Variants in ADGRB3 observed in about 807,000 individuals in gnomAD.
The protein encoded by ADGRB3 is adhesion G protein-coupled receptor B3, also known as brain-specific angiogenesis inhibitor 3.
A neutral mutation model predicts 193.4 loss-of-function variants in ADGRB3; 37 were observed. The observed-to-expected ratio is 0.19, with a 90% CI of 0.15 to 0.25. The LOEUF is 0.25. Ranked by LOEUF, ADGRB3 falls within the 10% of genes least tolerant of loss-of-function variation. ADGRB3 has a pLI of 1.00. For missense variants in ADGRB3, 1,637 were observed against 1,852.9 expected (o/e 0.88, Z 2.14); for synonymous variants, 690 against 644.2 (o/e 1.07, Z -1.08).
At chr6:69,196,827 T>C (rs982903349) in intron 17 of ADGRB3, among the ~76,000 whole-genome samples, 3 of 152,108 alleles carry the variant, frequency 2.0e-5, no homozygotes, top group Admixed American at 6.6e-5. Flanking sequence ...AGGTAATTCC[T>C]TGATTTATCA....
chr6:69,089,462 T>C (rs1225626837), intron 17 of ADGRB3, among the ~76,000 whole-genome samples: 2 of 152,220 alleles, frequency 1.3e-5, no homozygotes, highest in African/African-American at 4.8e-5. Context: ...AATCTTTCCC[T>C]TGCAGGATAC....
chr6:69,072,747 A>T (rs941482634), intron 16 of ADGRB3, among the ~76,000 whole-genome samples: 1 of 152,186 alleles, frequency 6.6e-6, no homozygotes, highest in African/African-American at 2.4e-5. Flanking sequence ...CTTCACTGTG[A>T]TGTTACAAGG....
chr6:68,961,367 G>T (rs1041436290), intron 8 of ADGRB3, among the ~76,000 whole-genome samples: 10 of 152,074 alleles, frequency 6.6e-5, no homozygotes, highest in African/African-American at 2.4e-4. Context: ...GTCAGCCCCA[G>T]CATCTCTCTT....
chr6:69,180,391 G>A (rs1775547804), intron 17 of ADGRB3, among the ~76,000 whole-genome samples: 1 of 152,214 alleles, frequency 6.6e-6, no homozygotes, highest in Non-Finnish European at 1.5e-5. Flanking sequence ...TGCTGATGCA[G>A]GTGAATGGGC....
chr6:69,028,759 T>C (rs2150291855), intron 13 of ADGRB3, among the ~76,000 whole-genome samples: 1 of 152,338 alleles, frequency 6.6e-6, no homozygotes, highest in South Asian at 2.1e-4. Context: ...TATTATCACA[T>C]ATTATGCCAA....
chr6:69,045,305 A>G (rs1345965651), intron 13 of ADGRB3, among the ~76,000 whole-genome samples: 1 of 152,192 alleles, frequency 6.6e-6, no homozygotes, highest in African/African-American at 2.4e-5. Context: ...AAAGAACCAC[A>G]TTGCTATTTT....
chr6:69,341,361 G>A (rs1312074118), intron 26 of ADGRB3, among the ~76,000 whole-genome samples: 1 of 152,142 alleles, frequency 6.6e-6, no homozygotes, highest in Non-Finnish European at 1.5e-5. Flanking sequence ...TTTCTCTAAT[G>A]ACCAGTGATG....
chr6:69,078,133 G>A (rs557426993), intron 17 of ADGRB3, among the ~76,000 whole-genome samples: 5 of 151,938 alleles, frequency 3.3e-5, no homozygotes, highest in East Asian at 3.9e-4. Flanking sequence ...TACAGAAAAC[G>A]GCTGTCTTAA....
At chr6:69,232,962 G>A in intron 17 of ADGRB3, 1 of 435,862 alleles carries the variant, frequency 2.3e-6, no homozygotes, top group Non-Finnish European at 4.1e-6. Context: ...GGAAGTGGCT[G>A]CCAACGCTCT....
intron 28 of ADGRB3, among the ~76,000 whole-genome samples, chr6:69,359,741 G>C (rs1298691046): frequency 1.3e-5 from 2 of 151,868 alleles, no homozygotes; most frequent in Admixed American, 1.3e-4. Context: ...AGTCATCTAT[G>C]CCTAATGAAA....
intron 17 of ADGRB3, among the ~76,000 whole-genome samples, chr6:69,199,985 A>G (rs961329789): frequency 4.1e-4 from 62 of 152,268 alleles, no homozygotes; most frequent in African/African-American, 1.4e-3. Flanking sequence ...AAAAGGTTTA[A>G]GATGAAAAAG....
chr6:68,645,449 CT>C (rs1337176846), intron 3 of ADGRB3, among the ~76,000 whole-genome samples: 3 of 152,102 alleles, frequency 2.0e-5, no homozygotes, highest in East Asian at 1.9e-4. Context: ...AGAGATAATA[CT>C]TTTTTCTAGG....
At chr6:69,307,695 C>T (rs1242424244) in intron 20 of ADGRB3, among the ~76,000 whole-genome samples, 49 of 151,146 alleles carry the variant, frequency 3.2e-4, no homozygotes, top group Non-Finnish European at 1.0e-4. Context: ...TCTCCTGAGC[C>T]CTCCCATGTC....
chr6:69,325,494 A>T (rs1446084454), intron 21 of ADGRB3, among the ~76,000 whole-genome samples: 2 of 152,206 alleles, frequency 1.3e-5, no homozygotes, highest in African/African-American at 4.8e-5. Flanking sequence ...GAAACCTCAC[A>T]GCTTGTTGAC....
chr6:69,327,950 G>A, intron 22 of ADGRB3, 61 bp downstream of exon 22: 1 of 1,449,154 alleles, frequency 6.9e-7, no homozygotes, highest in Non-Finnish European at 9.5e-7. Flanking sequence ...AAGAGTCTTG[G>A]TTGGCACTGC....
At chr6:69,107,295 T>A (rs1421132861) in intron 17 of ADGRB3, among the ~76,000 whole-genome samples, 2 of 152,196 alleles carry the variant, frequency 1.3e-5, no homozygotes, top group African/African-American at 4.8e-5. Context: ...AAAATTGAAG[T>A]TTTTGTTTAG....
rs2127319012 is a variant in ADGRB3 at position 69,338,926 on chromosome 6, G to A, written c.3199G>A (p.Glu1067Lys). The A allele has an allele frequency of 6.2e-7, 1 of 1,613,460 alleles. No homozygotes were observed. Among genetic ancestry groups the A allele is most frequent in the East Asian group, 2.2e-5 (1 of 44,846 alleles). ...TCTGTTTGTTTGCAGTCAGATGAGT[G>A]AGCCTCATAGCGGTTTGACGCTCAA... Reference protein sequence around the residue: ...KLKHRAGQMSEPHSGLTLKCA... With the variant: ...KLKHRAGQMSKPHSGLTLKCA... The change falls in exon 25 of 32, where the codon GAG becomes AAG. Residue 1067 changes from glutamate (E) to lysine (K), a missense_variant. This residue lies in a region of ADGRB3 where 56 missense variants were observed against 53.3 expected (regional missense o/e 1.05). Transcript: ENST00000370598.
intron 13 of ADGRB3, among the ~76,000 whole-genome samples, chr6:69,042,854 G>A (rs1771112317): frequency 6.6e-6 from 1 of 152,150 alleles, no homozygotes; most frequent in South Asian, 2.1e-4. Context: ...GAAAACATCA[G>A]TATAAGGCCA....
At chr6:68,997,789 A>G (rs1225218072) in intron 11 of ADGRB3, among the ~76,000 whole-genome samples, 1 of 152,132 alleles carries the variant, frequency 6.6e-6, no homozygotes, top group Non-Finnish European at 1.5e-5. Context: ...TATTTCTAAA[A>G]GGTAACTTAT....
Sources: allele counts gnomAD v4.1 joint callset (sites outside exome capture counted in the v4.1 genomes callset), GRCh38; gene constraint gnomAD v4.1.1; regional missense constraint gnomAD v4.1.1; transcripts MANE v1.5; gene names NCBI Gene and HGNC (gene_info 2026-07-23, HGNC 2026-07-21).